Variants in NELL1 observed in about 807,000 individuals in gnomAD.
The protein encoded by NELL1 is neural EGFL like 1, also known as protein kinase C-binding protein NELL1.
Under a neutral mutation model 107.4 loss-of-function variants are expected in NELL1, and 76 were observed. The ratio of observed to expected loss-of-function variants is 0.71; its 90% CI spans 0.59 to 0.86. The LOEUF is 0.86. Ranked by LOEUF, NELL1 falls within the 40% of genes least tolerant of loss-of-function variation. The probability of loss-of-function intolerance (pLI) is 0.00; values close to 1 mark genes in which losing one functional copy is unlikely to be tolerated. For synonymous variants in NELL1, 353 were observed against 341.2 expected, an observed-to-expected ratio of 1.03 and a Z score of -0.38; for missense variants, 1,024 against 1,005.5, an observed-to-expected ratio of 1.02 and a Z score of -0.25.
intron 14 of NELL1, among the ~76,000 whole-genome samples, chr11:21,279,098 A>T (rs922467003): frequency 7.2e-5 from 11 of 152,310 alleles, no homozygotes; most frequent in African/African-American, 2.6e-4. Flanking sequence ...ATAAATGTAG[A>T]CACAGATCTT....
At chr11:21,200,895 C>A (rs1319164314) in intron 13 of NELL1, among the ~76,000 whole-genome samples, 6 of 152,154 alleles carry the variant, frequency 3.9e-5, no homozygotes, top group Non-Finnish European at 8.8e-5. Context: ...ATAGAGTATT[C>A]TTTCCCCATT....
chr11:20,774,351 C>A (rs1236819228), intron 2 of NELL1, among the ~76,000 whole-genome samples: 2 of 148,040 alleles, frequency 1.4e-5, no homozygotes, highest in African/African-American at 5.0e-5. Context: ...TCCTCTCTCT[C>A]CTTTCTTTCT....
intron 5 of NELL1, among the ~76,000 whole-genome samples, chr11:20,898,588 C>G (rs186660366): frequency 6.6e-6 from 1 of 151,090 alleles, no homozygotes; most frequent in Admixed American, 6.6e-5. Flanking sequence ...AAAGTGTTCT[C>G]TTTTCACCAC....
intron 3 of NELL1, among the ~76,000 whole-genome samples, chr11:20,788,292 T>G (rs888842801): frequency 1.3e-5 from 2 of 152,240 alleles, no homozygotes; most frequent in African/African-American, 4.8e-5. Context: ...TTGTCCAAAG[T>G]GACTACACTG....
intron 15 of NELL1, among the ~76,000 whole-genome samples, chr11:21,451,895 G>A (rs1017956185): frequency 1.3e-5 from 2 of 152,160 alleles, no homozygotes; most frequent in African/African-American, 4.8e-5. Context: ...AGAAGAGATG[G>A]AAGGATGAAC....
intron 2 of NELL1, among the ~76,000 whole-genome samples, chr11:20,774,957 A>G (rs964739873): frequency 6.6e-6 from 1 of 152,116 alleles, no homozygotes; most frequent in African/African-American, 2.4e-5. Context: ...AAAAAAAAGA[A>G]AAAAAAACCC....
intron 2 of NELL1, among the ~76,000 whole-genome samples, chr11:20,764,592 C>A (rs1267772792): frequency 6.7e-6 from 1 of 150,024 alleles, no homozygotes; most frequent in East Asian, 2.0e-4. Context: ...AATATTGACA[C>A]CTGGCCTACA....
chr11:21,337,736 C>CTT (rs1437485034), intron 14 of NELL1, among the ~76,000 whole-genome samples: 1 of 16,378 alleles, frequency 6.1e-5, no homozygotes, highest in East Asian at 3.2e-3. Flanking sequence ...TCTTTCTTTC[C>CTT]TTTCTTTCTT....
chr11:21,344,817 GA>G (rs1198291216), intron 14 of NELL1, among the ~76,000 whole-genome samples: 2 of 151,942 alleles, frequency 1.3e-5, no homozygotes, highest in African/African-American at 4.8e-5. Flanking sequence ...TTTTGGCTGT[GA>G]AAATGCTCTG....
At chr11:20,924,818 T>C (rs1850455981) in intron 7 of NELL1, among the ~76,000 whole-genome samples, 1 of 152,208 alleles carries the variant, frequency 6.6e-6, no homozygotes, top group Non-Finnish European at 1.5e-5. Context: ...ACTGGGGCTA[T>C]GGAAATGAAG....
At chr11:21,113,796 G>A in intron 13 of NELL1, 82 bp downstream of exon 13, 1 of 1,405,956 alleles carries the variant, frequency 7.1e-7, no homozygotes, top group East Asian at 2.4e-5. Flanking sequence ...AATTCCTAGT[G>A]CACAAAGTAC....
intron 14 of NELL1, among the ~76,000 whole-genome samples, chr11:21,353,659 C>T (rs574144032): frequency 1.1e-4 from 16 of 152,244 alleles, no homozygotes; most frequent in South Asian, 6.2e-4. Flanking sequence ...TAATCAGACA[C>T]GCTCGCTTAA....
chr11:20,675,053 G>A (rs1004562130), intron 1 of NELL1, among the ~76,000 whole-genome samples: 1 of 152,154 alleles, frequency 6.6e-6, no homozygotes, highest in African/African-American at 2.4e-5. Flanking sequence ...ACTCAGGTAG[G>A]CTGCCCGCTC....
intron 15 of NELL1, among the ~76,000 whole-genome samples, chr11:21,388,527 C>T (rs1288159105): frequency 6.6e-6 from 1 of 151,768 alleles, no homozygotes; most frequent in African/African-American, 2.4e-5. Flanking sequence ...GACATTTTCT[C>T]TTTGCAGCAT....
At chr11:20,865,722 T>C (rs1433481763) in intron 4 of NELL1, among the ~76,000 whole-genome samples, 1 of 152,182 alleles carries the variant, frequency 6.6e-6, no homozygotes, top group Non-Finnish European at 1.5e-5. Context: ...TGCTCTTTAA[T>C]GCCAGAAAGG....
At chr11:20,738,737 C>G (rs1206482354) in intron 2 of NELL1, among the ~76,000 whole-genome samples, 1 of 152,088 alleles carries the variant, frequency 6.6e-6, no homozygotes, top group Non-Finnish European at 1.5e-5. Flanking sequence ...TGTGAATCAC[C>G]AATGAGGTAA....
chr11:20,931,312 G>T (rs1850613276), intron 9 of NELL1, among the ~76,000 whole-genome samples: 1 of 152,184 alleles, frequency 6.6e-6, no homozygotes, highest in South Asian at 2.1e-4. Context: ...ACTTTTGTGG[G>T]TTAAGCAGTG....
chr11:20,991,118 G>C (rs562147256), intron 12 of NELL1, among the ~76,000 whole-genome samples: 1 of 152,336 alleles, frequency 6.6e-6, no homozygotes, highest in African/African-American at 2.4e-5. Context: ...GATCTGATGA[G>C]AGCCTAGAGC....
chr11:20,756,481 A>T (rs1451125780), intron 2 of NELL1, among the ~76,000 whole-genome samples: 1 of 147,010 alleles, frequency 6.8e-6, no homozygotes, highest in East Asian at 2.0e-4. Context: ...TGGGACTTAT[A>T]GGCACCTGAG....
Sources: gnomAD v4.1 joint callset for allele counts (sites outside exome capture counted in the v4.1 genomes callset) on GRCh38, gnomAD v4.1.1 for gene constraint, MANE v1.5 for transcripts, NCBI Gene and HGNC (gene_info 2026-07-23, HGNC 2026-07-21) for gene names.